Variants in SCHIP1 observed in about 807,000 individuals in gnomAD.
SCHIP1 encodes the protein schwannomin interacting protein 1, also known as schwannomin-interacting protein 1.
A neutral mutation model predicts 29.7 loss-of-function variants in SCHIP1; 8 were observed. The observed-to-expected ratio is 0.27, with a 90% CI of 0.16 to 0.49. The LOEUF (loss-of-function observed/expected upper bound fraction) is 0.49. SCHIP1 is among the 20% of genes least tolerant of loss of function. The probability of loss-of-function intolerance (pLI) is 0.99; values close to 1 mark genes in which losing one functional copy is unlikely to be tolerated. For synonymous variants in SCHIP1, 76 were observed against 94.9 expected (o/e 0.80, Z 1.16); for missense variants, 193 against 294.6 (o/e 0.66, Z 2.52).
At chr3:159,618,416 A>G in the SCHIP1 span, among the ~76,000 whole-genome samples, 2 of 152,236 alleles carry the variant, frequency 1.3e-5, no homozygotes, top group Non-Finnish European at 2.9e-5. Context: ...CAGACAAGAA[A>G]TGAGTCTATT....
At chr3:159,584,987 C>T in the SCHIP1 span, among the ~76,000 whole-genome samples, 23 of 151,984 alleles carry the variant, frequency 1.5e-4, no homozygotes, top group Non-Finnish European at 3.2e-4. Context: ...GCAGCCAATT[C>T]CCTTACCTTC....
At chr3:159,288,364 C>A in the SCHIP1 span, among the ~76,000 whole-genome samples, 4 of 152,324 alleles carry the variant, frequency 2.6e-5, no homozygotes, top group East Asian at 5.8e-4. Context: ...AGCATACCTA[C>A]GAAGTCACAG....
the SCHIP1 span, among the ~76,000 whole-genome samples, chr3:159,818,775 A>G: frequency 3.9e-5 from 6 of 152,246 alleles, no homozygotes; most frequent in African/African-American, 1.4e-4. Context: ...GTCCATGGTC[A>G]TATCACAGGT....
chr3:159,755,333 C>T, the SCHIP1 span, among the ~76,000 whole-genome samples: 4 of 152,184 alleles, frequency 2.6e-5, no homozygotes, highest in Non-Finnish European at 4.4e-5. Context: ...GAGCAAGTCA[C>T]ATCTTATATG....
the SCHIP1 span, among the ~76,000 whole-genome samples, chr3:159,373,185 CTT>C: frequency 3.1e-3 from 466 of 151,744 alleles, 1 homozygote; most frequent in Non-Finnish European, 5.3e-3. Context: ...ATGTAGCTCT[CTT>C]AATATCCTCT....
At chr3:159,610,027 A>G in the SCHIP1 span, among the ~76,000 whole-genome samples, 1 of 152,152 alleles carries the variant, frequency 6.6e-6, no homozygotes, top group Non-Finnish European at 1.5e-5. Context: ...TTTGCTAAGC[A>G]TTGTCTCATT....
the SCHIP1 span, chr3:159,763,882 C>T: frequency 6.6e-6 from 1 of 152,188 alleles, no homozygotes; most frequent in East Asian, 1.9e-4. Context: ...GCCAGCGGTT[C>T]CTTACAAAGT....
chr3:159,356,978 G>A, the SCHIP1 span, among the ~76,000 whole-genome samples: 2 of 152,114 alleles, frequency 1.3e-5, no homozygotes, highest in African/African-American at 2.4e-5. Flanking sequence ...AATATCCAAA[G>A]GAAAATAAAT....
the SCHIP1 span, among the ~76,000 whole-genome samples, chr3:159,461,416 A>G: frequency 6.6e-6 from 1 of 152,066 alleles, no homozygotes; most frequent in African/African-American, 2.4e-5. Context: ...TGTGGAATAC[A>G]CTGCAGCCAC....
At chr3:159,630,905 T>C in the SCHIP1 span, among the ~76,000 whole-genome samples, 1 of 152,086 alleles carries the variant, frequency 6.6e-6, no homozygotes, top group Non-Finnish European at 1.5e-5. Flanking sequence ...AAAATAATAG[T>C]GTTAAAATTA....
chr3:159,783,793 C>G, the SCHIP1 span, among the ~76,000 whole-genome samples: 6 of 152,246 alleles, frequency 3.9e-5, no homozygotes, highest in African/African-American at 1.4e-4. Context: ...TCTCCCAGGT[C>G]TACTGGAAGC....
chr3:159,644,650 C>T, the SCHIP1 span, among the ~76,000 whole-genome samples: 1 of 152,062 alleles, frequency 6.6e-6, no homozygotes, highest in Non-Finnish European at 1.5e-5. Flanking sequence ...CAAAAGTAAA[C>T]AAGGTAGACC....
At chr3:159,463,087 T>G in the SCHIP1 span, among the ~76,000 whole-genome samples, 1 of 151,796 alleles carries the variant, frequency 6.6e-6, no homozygotes, top group East Asian at 1.9e-4. Context: ...GGGGAAAGTC[T>G]GTAGAATATT....
chr3:159,687,977 C>T, the SCHIP1 span, among the ~76,000 whole-genome samples: 1 of 152,222 alleles, frequency 6.6e-6, no homozygotes, highest in Non-Finnish European at 1.5e-5. Context: ...ATATGTGCCA[C>T]ATTTTCTTTA....
the SCHIP1 span, among the ~76,000 whole-genome samples, chr3:159,725,924 G>A: frequency 6.6e-6 from 1 of 152,010 alleles, no homozygotes; most frequent in Admixed American, 6.6e-5. Context: ...GAATTCAAAG[G>A]GAAAAAGAAA....
At chr3:159,436,090 G>C in the SCHIP1 span, among the ~76,000 whole-genome samples, 1 of 152,216 alleles carries the variant, frequency 6.6e-6, no homozygotes, top group African/African-American at 2.4e-5. Context: ...TGCTGAAAAT[G>C]CTCTACAGGT....
chr3:159,777,317 T>C, the SCHIP1 span, among the ~76,000 whole-genome samples: 2 of 152,050 alleles, frequency 1.3e-5, no homozygotes, highest in Non-Finnish European at 2.9e-5. Context: ...TGCCAAGAGG[T>C]CTGGTGAGAT....
At chr3:159,775,621 C>G in the SCHIP1 span, among the ~76,000 whole-genome samples, 12 of 152,210 alleles carry the variant, frequency 7.9e-5, no homozygotes, top group Admixed American at 7.2e-4. Context: ...CCAGGACCCC[C>G]TGCCAGGCCC....
chr3:159,297,871 C>T, the SCHIP1 span, among the ~76,000 whole-genome samples: 1 of 152,138 alleles, frequency 6.6e-6, no homozygotes, highest in Non-Finnish European at 1.5e-5. Flanking sequence ...TTGCTCTGAC[C>T]ATCCTGTGTA....
Sources: gnomAD v4.1 joint callset for allele counts (sites outside exome capture counted in the v4.1 genomes callset) on GRCh38, gnomAD v4.1.1 for gene constraint, MANE v1.5 for transcripts, NCBI Gene and HGNC (gene_info 2026-07-23, HGNC 2026-07-21) for gene names.